CFAP221: variants seen among roughly 807,000 people sequenced by gnomAD.
CFAP221 encodes cilia and flagella associated protein 221, also known as cilia- and flagella-associated protein 221.
In CFAP221, 97 loss-of-function variants were observed where a neutral mutation model predicts 113.1. That is an observed-to-expected ratio of 0.86 (90% CI 0.73 to 1.02). CFAP221 has a LOEUF of 1.02. Among genes scored for constraint, CFAP221 ranks in the 50% least tolerant of loss-of-function variants. CFAP221 has a pLI of 0.00. For missense variants in CFAP221, 1,025 were observed against 1,013.4 expected, an observed-to-expected ratio of 1.01 and a Z score of -0.16; for synonymous variants, 331 against 354.4, an observed-to-expected ratio of 0.93 and a Z score of 0.74.
intron 19 of CFAP221, among the ~76,000 whole-genome samples, chr2:119,633,975 G>A (rs1348056304): frequency 6.6e-6 from 1 of 152,204 alleles, no homozygotes; most frequent in African/African-American, 2.4e-5. Flanking sequence ...GGGTGTGGTG[G>A]CACATGCCTA....
chr2:119,653,734 G>A (rs1248052595), intron 23 of CFAP221, among the ~76,000 whole-genome samples: 3 of 152,274 alleles, frequency 2.0e-5, no homozygotes, highest in Non-Finnish European at 4.4e-5. Context: ...CATCCAGATA[G>A]TGTGTTACCA....
rs564708249 is a variant in CFAP221, at chr2:119,655,766, G to A, written c.2415-596G>A. ...AAGCCCAGGTCCTCCCCATCTCTCC[G>A]CCCTTTGTCTACTCCCACTGCACCC... On this transcript the variant is annotated intron_variant, in intron 23 of 23. Transcript: ENST00000413369. Among the ~76,000 whole-genome samples the A allele has an allele frequency of 2.6e-3, 398 of 151,140 alleles. 2 individuals carry two copies. Among genetic ancestry groups the A allele is most frequent in the African/African-American group, 9.1e-3 (375 of 41,084 alleles).
intron 16 of CFAP221, among the ~76,000 whole-genome samples, chr2:119,628,289 T>TCTG (rs376279965): frequency 1.1e-4 from 1 of 8,902 alleles, no homozygotes; most frequent in Middle Eastern, 0.071. Flanking sequence ...TCTCTCTCTC[T>TCTG]GGGGGGTGTG....
chr2:119,601,173 G>A, intron 7 of CFAP221, 45 bp from the exon 8 acceptor site: 1 of 1,455,664 alleles, frequency 6.9e-7, no homozygotes, highest in Middle Eastern at 1.9e-4. Context: ...GACTGGACTT[G>A]GCAAGAAGAG....
chr2:119,620,738 A>G (rs1167416026), intron 14 of CFAP221, among the ~76,000 whole-genome samples: 3 of 152,176 alleles, frequency 2.0e-5, no homozygotes, highest in Non-Finnish European at 2.9e-5. Context: ...ATTCACACAT[A>G]ACAATATTAA....
intron 2 of CFAP221, among the ~76,000 whole-genome samples, chr2:119,548,348 A>G (rs1573968233): frequency 6.6e-6 from 1 of 152,130 alleles, no homozygotes; most frequent in African/African-American, 2.4e-5. Context: ...AATAATACCT[A>G]CCTCAAAGGG....
chr2:119,546,110 A>C lies in CFAP221; in HGVS notation c.-22A>C. 1.3e-6 allele frequency: 2 copies of C among 1,520,238 alleles called. No individual in the cohort carries two copies. Among genetic ancestry groups the C allele is most frequent in the Non-Finnish European group, 1.8e-6 (2 of 1,142,806 alleles). The allele number at this position is 1,520,238 out of a possible 1,614,324, so 94.2% of individuals were successfully genotyped here. A position where few individuals can be genotyped will look rare whatever the true frequency, so the allele number is the denominator to read the frequency against. Reference sequence around the variant, plus strand: ...GACATGACCTTTGGCTCTAAAAAGAAGACTCCATTTTTCATGATAAAATGG... The same window carrying C: ...GACATGACCTTTGGCTCTAAAAAGACGACTCCATTTTTCATGATAAAATGG... On this transcript the variant is annotated 5_prime_UTR_variant, in exon 2 of 24. Transcript: ENST00000413369.
intron 3 of CFAP221, among the ~76,000 whole-genome samples, chr2:119,553,411 G>A (rs1200545226): frequency 6.6e-6 from 1 of 152,174 alleles, no homozygotes; most frequent in Non-Finnish European, 1.5e-5. Flanking sequence ...CGTAAGGAAC[G>A]TGCATGTGAT....
intron 6 of CFAP221, among the ~76,000 whole-genome samples, chr2:119,572,303 C>G (rs1419334189): frequency 6.6e-6 from 1 of 152,178 alleles, no homozygotes; most frequent in East Asian, 1.9e-4. Context: ...AGAGGACTTT[C>G]AGTTCTCTTT....
Position 119,546,261 on chromosome 2 carries a change from C to T in CFAP221, c.130C>T (p.Leu44=). 1 of 1,534,100 alleles carries T rather than the reference C, an allele frequency of 6.5e-7. No homozygotes were observed. The highest frequency in any genetic ancestry group is 1.7e-4 in the Middle Eastern group (1 of 5,978). Residue 44 remains leucine, a synonymous_variant, in exon 2 of 24, where the codon CTA becomes TTA. Transcript: ENST00000413369. The part of the protein sequence containing the change: ...KKRKEVPNHL[L]ESKVYAKLVN... ...AAGAAAAGAAGTACCTAATCACCTC[C>T]TAGAATCAAGTAAGTGGCTAGAAGA... is the stretch of plus-strand genomic sequence containing the variant.
chr2:119,605,312 T>C (rs1684665388), intron 11 of CFAP221, 23 bp downstream of exon 11: 1 of 1,550,390 alleles, frequency 6.4e-7, no homozygotes, highest in East Asian at 2.2e-5. Flanking sequence ...CAATTGTTTG[T>C]ATCAAGTGTC....
intron 7 of CFAP221, among the ~76,000 whole-genome samples, chr2:119,590,689 C>G (rs1683538617): frequency 6.6e-6 from 1 of 152,224 alleles, no homozygotes; most frequent in African/African-American, 2.4e-5. Context: ...GCCCCTTGGC[C>G]CCTGGCTGAG....
chr2:119,562,684 A>G (rs1270668176), intron 6 of CFAP221, among the ~76,000 whole-genome samples: 1 of 152,212 alleles, frequency 6.6e-6, no homozygotes, highest in East Asian at 1.9e-4. Context: ...TTTTTGGTGA[A>G]TGATTCCAAT....
intron 7 of CFAP221, among the ~76,000 whole-genome samples, chr2:119,588,806 G>A (rs573399921): frequency 6.6e-6 from 1 of 152,264 alleles, no homozygotes; most frequent in Admixed American, 6.5e-5. Context: ...GGGAGTGCTA[G>A]GGACATACAC....
rs1284312727 is a variant in CFAP221, at chr2:119,544,529, G to C, written c.-48+19G>C. The stretch of plus-strand genomic sequence containing the variant: ...CTCCAGGGTGAGCGGCCAGGGACCT[G>C]GGGCCCGGGTGGCCCAGGGTCGGCC... On this transcript the variant is annotated intron_variant, in intron 1 of 23. Coordinates refer to ENST00000413369, the MANE Select transcript of CFAP221 (RefSeq NM_001271049.2). 2 of 152,154 alleles carry C rather than the reference G, an allele frequency of 1.3e-5. No homozygotes were observed. Among genetic ancestry groups the C allele is most frequent in the South Asian group, 4.1e-4 (2 of 4,826 alleles). 9.4% of individuals were successfully genotyped at this position (152,154 alleles called of 1,614,324 possible).
chr2:119,553,406 G>A (rs1431629144), intron 3 of CFAP221, among the ~76,000 whole-genome samples: 4 of 152,162 alleles, frequency 2.6e-5, no homozygotes, highest in Admixed American at 6.5e-5. Flanking sequence ...ATCAACGTAA[G>A]GAACGTGCAT....
At chr2:119,587,904 A>G (rs1345377063) in intron 7 of CFAP221, among the ~76,000 whole-genome samples, 1 of 152,252 alleles carries the variant, frequency 6.6e-6, no homozygotes, top group African/African-American at 2.4e-5. Flanking sequence ...TGTTTAAAGC[A>G]GAAACTGTGA....
intron 7 of CFAP221, among the ~76,000 whole-genome samples, chr2:119,595,819 T>G (rs1487886247): frequency 6.6e-6 from 1 of 151,854 alleles, no homozygotes; most frequent in Non-Finnish European, 1.5e-5. Flanking sequence ...GAAGAGCTTC[T>G]TGGAGGAAAA....
intron 3 of CFAP221, among the ~76,000 whole-genome samples, chr2:119,556,786 AG>A (rs1489579154): frequency 6.6e-6 from 1 of 152,112 alleles, no homozygotes; most frequent in East Asian, 1.9e-4. Flanking sequence ...TCCTGACCTC[AG>A]GTGATCCACC....
Sources: allele counts gnomAD v4.1 joint callset (sites outside exome capture counted in the v4.1 genomes callset), GRCh38; gene constraint gnomAD v4.1.1; transcripts MANE v1.5; gene names NCBI Gene and HGNC (gene_info 2026-07-23, HGNC 2026-07-21).